CFAP61: variants seen among roughly 807,000 people sequenced by gnomAD.
CFAP61 encodes the protein cilia and flagella associated protein 61.
Under a neutral mutation model 135.6 loss-of-function variants are expected in CFAP61, and 107 were observed. The observed-to-expected ratio is 0.79, with a 90% CI of 0.67 to 0.93. The LOEUF is 0.93. Ranked by LOEUF, CFAP61 falls within the 40% of genes least tolerant of loss-of-function variation. CFAP61 has a pLI of 0.00. For missense variants in CFAP61, 1,507 were observed against 1,556.2 expected, an observed-to-expected ratio of 0.97 and a Z score of 0.53; for synonymous variants, 575 against 578.5, an observed-to-expected ratio of 0.99 and a Z score of 0.09.
intron 7 of CFAP61, among the ~76,000 whole-genome samples, chr20:20,092,044 A>T (rs2047240968): frequency 6.6e-6 from 1 of 152,186 alleles, no homozygotes; most frequent in East Asian, 1.9e-4. Context: ...CAGTCCCAGG[A>T]ATGTCCTTTA....
chr20:20,237,701 C>T (rs1170932822), intron 18 of CFAP61, among the ~76,000 whole-genome samples: 1 of 152,144 alleles, frequency 6.6e-6, no homozygotes, highest in African/African-American at 2.4e-5. Flanking sequence ...TCATCTAATA[C>T]CAGTCCGTGC....
At position 20,359,482 on chromosome 20, in the gene CFAP61, T is replaced by A. The variant is rs1213912119; in HGVS notation, c.3514-728T>A. On this transcript the variant is annotated intron_variant, in intron 26 of 26. Coordinates refer to ENST00000245957, the MANE Select transcript of CFAP61 (RefSeq NM_015585.4). This position sits in a 1 kb window ranked among gnomAD's most constrained non-coding sequence, Gnocchi z 4.0. ...GAGTTCAAGACCAGCCTGACCAACA[T>A]GGAGAGACCCTGTCCCTACTAAATA... is the stretch of plus-strand genomic sequence containing the variant. Among the ~76,000 whole-genome samples, 1 of 151,972 alleles carries A rather than the reference T, an allele frequency of 6.6e-6. No homozygotes were observed. The highest frequency in any genetic ancestry group is 1.9e-4 in the East Asian group (1 of 5,182).
chr20:20,170,734 T>A (rs986173331), intron 13 of CFAP61, among the ~76,000 whole-genome samples: 1 of 152,194 alleles, frequency 6.6e-6, no homozygotes, highest in African/African-American at 2.4e-5. Flanking sequence ...AATTAGGGAC[T>A]GGTTAAATGA....
At chr20:20,170,051 CT>C (rs1464265666) in intron 13 of CFAP61, among the ~76,000 whole-genome samples, 2 of 152,152 alleles carry the variant, frequency 1.3e-5, no homozygotes, top group African/African-American at 4.8e-5. Context: ...CTTTTCAAGG[CT>C]TATGGACACA....
At chr20:20,209,829 G>A (rs1317595658) in intron 17 of CFAP61, among the ~76,000 whole-genome samples, 1 of 152,160 alleles carries the variant, frequency 6.6e-6, no homozygotes, top group East Asian at 1.9e-4. Flanking sequence ...TGGGAGGGGA[G>A]GTACCTGCTG....
intron 8 of CFAP61, among the ~76,000 whole-genome samples, chr20:20,131,779 T>G (rs1309827610): frequency 6.6e-6 from 1 of 152,082 alleles, no homozygotes; most frequent in Non-Finnish European, 1.5e-5. Context: ...TAAATATCCT[T>G]CTATTCTTGG....
chr20:20,322,620 G>A (rs1275616579), intron 25 of CFAP61: 13 of 887,566 alleles, frequency 1.5e-5, no homozygotes, highest in African/African-American at 1.8e-5. Flanking sequence ...CGTGGTAAAT[G>A]GTATCATTAA....
At chr20:20,251,465 C>G in intron 19 of CFAP61, 130 bp from the exon 20 acceptor site, 1 of 716,646 alleles carries the variant, frequency 1.4e-6, no homozygotes, top group East Asian at 2.7e-5. Flanking sequence ...CTCCTAGTAT[C>G]AGTCCTGGTA....
At chr20:20,144,477 A>G (rs1568998137) in intron 9 of CFAP61, among the ~76,000 whole-genome samples, 1 of 152,208 alleles carries the variant, frequency 6.6e-6, no homozygotes, top group Non-Finnish European at 1.5e-5. Context: ...CAGATGAAAG[A>G]TTAGTGAACT....
intron 17 of CFAP61, among the ~76,000 whole-genome samples, chr20:20,208,027 G>T (rs118059352): frequency 0.026 from 3,983 of 152,330 alleles, 78 homozygotes; most frequent in South Asian, 0.041. Flanking sequence ...GCTGCTCAGT[G>T]AGTCCTTTCC....
intron 8 of CFAP61, among the ~76,000 whole-genome samples, chr20:20,140,128 A>ATTTTTTTTTTTTTTTTTTTTTTTTT (rs3060428): frequency 3.1e-5 from 3 of 97,308 alleles, no homozygotes; most frequent in African/African-American, 4.4e-5. Context: ...GGTGCTGGAA[A>ATTTTTTTTTTTTTTTTTTTTTTTTT]TTTTTTTTTT....
Position 20,251,887 on chromosome 20 carries a change from C to G in CFAP61, c.2328+124C>G, listed in dbSNP as rs943235326. On this transcript the variant is annotated intron_variant, in intron 20 of 26. Coordinates refer to ENST00000245957, the MANE Select transcript of CFAP61 (RefSeq NM_015585.4). ...TCCCTCTGCCTGGACAGCTGCTGCT[C>G]TAAATTCATAAAAGCACCCTTCAGG... The G allele has an allele frequency of 3.8e-6, 4 of 1,039,880 alleles. No homozygotes were observed. In the African/African-American group the frequency reaches 4.7e-5, roughly 12 times the overall value. 64.4% of individuals were successfully genotyped at this position (1,039,880 alleles called of 1,614,324 possible). A position where few individuals can be genotyped will look rare whatever the true frequency, so the allele number is the denominator to read the frequency against.
chr20:20,092,095 T>C (rs1401509849), intron 7 of CFAP61, among the ~76,000 whole-genome samples: 1 of 152,236 alleles, frequency 6.6e-6, no homozygotes, highest in African/African-American at 2.4e-5. Context: ...ATTCAGGTGC[T>C]CTGTTTCTTC....
intron 25 of CFAP61, among the ~76,000 whole-genome samples, chr20:20,340,535 C>A (rs6112871): frequency 1.3e-5 from 2 of 152,000 alleles, no homozygotes; most frequent in Non-Finnish European, 2.9e-5. Flanking sequence ...CTGAAGCAGA[C>A]GATGAAGGGT....
intron 17 of CFAP61, among the ~76,000 whole-genome samples, chr20:20,212,027 G>A (rs1329082961): frequency 6.6e-6 from 1 of 152,212 alleles, no homozygotes; most frequent in Non-Finnish European, 1.5e-5. Context: ...AAGATGGGCT[G>A]ACAATGTCCC....
At chr20:20,142,245 C>G (rs2051461955) in intron 8 of CFAP61, among the ~76,000 whole-genome samples, 1 of 152,190 alleles carries the variant, frequency 6.6e-6, no homozygotes, top group Non-Finnish European at 1.5e-5. Context: ...TACTAAAAAA[C>G]CAATGCTCAG....
chr20:20,358,211 G>GTGAGGGGAGGTGGTCACAC, intron 26 of CFAP61, among the ~76,000 whole-genome samples: 1 of 138,716 alleles, frequency 7.2e-6, no homozygotes, highest in Non-Finnish European at 1.6e-5. Context: ...TGGTCATACT[G>GTGAGGGGAGGTGGTCACAC]TGAGGGGAGG....
intron 25 of CFAP61, among the ~76,000 whole-genome samples, chr20:20,302,965 T>G (rs552624134): frequency 1.3e-5 from 2 of 152,228 alleles, no homozygotes; most frequent in Non-Finnish European, 2.9e-5. Flanking sequence ...TGTCAAAATT[T>G]AAAATCATGA....
intron 6 of CFAP61, chr20:20,085,682 C>T: frequency 2.7e-6 from 1 of 364,296 alleles, no homozygotes; most frequent in Non-Finnish European, 5.2e-6. Flanking sequence ...GCCTATGGTG[C>T]ACAGTTGATT....
Sources: gnomAD v4.1 joint callset for allele counts (sites outside exome capture counted in the v4.1 genomes callset) on GRCh38, gnomAD v4.1.1 for gene constraint, Gnocchi (gnomAD v3.1) non-coding constraint, MANE v1.5 for transcripts, NCBI Gene and HGNC (gene_info 2026-07-23, HGNC 2026-07-21) for gene names.